TMEM143: variants seen among roughly 807,000 people sequenced by gnomAD.
TMEM143 encodes transmembrane protein 143.
TMEM143 carries 45 observed loss-of-function variants against 40.3 expected under a neutral mutation model. The ratio of observed to expected loss-of-function variants is 1.12; its 90% CI spans 0.88 to 1.43. The LOEUF (loss-of-function observed/expected upper bound fraction) is 1.43, where lower values mean the gene tolerates loss of function less well. Ranked by LOEUF, TMEM143 falls within the 40% of genes most tolerant of loss-of-function variation. The pLI, the probability that TMEM143 is intolerant of heterozygous loss-of-function variation, is 0.00. For synonymous variants in TMEM143, 299 were observed against 282.7 expected, an observed-to-expected ratio of 1.06 and a Z score of -0.58; for missense variants, 620 against 613.4, an observed-to-expected ratio of 1.01 and a Z score of -0.11.
At chr19:48,361,843 T>C (rs1970048019) in intron 2 of TMEM143, among the ~76,000 whole-genome samples, 1 of 152,204 alleles carries the variant, frequency 6.6e-6, no homozygotes, top group South Asian at 2.1e-4. Context: ...CACTTCTTTA[T>C]GTTTCCTATG....
At position 48,363,435 on chromosome 19, in the gene TMEM143, G is replaced by T; in HGVS notation, c.120C>A (p.Pro40=). ...CTGCCAGCGATGAGAGGGCCCGGGG[G>T]GGCCCGAGGAGCGCGGGCAACAGTG... is the stretch of plus-strand genomic sequence containing the variant. ...VWPLLPALLG[P]PRALSSLAAK... is the part of the protein sequence containing the mutation. The change falls in exon 2 of 8, where the codon CCC becomes CCA. Residue 40 remains proline, a synonymous_variant. Transcript: ENST00000293261. 6.2e-7 allele frequency: 1 copy of T among 1,614,058 alleles called. No homozygotes were observed. Among genetic ancestry groups the T allele is most frequent in the Non-Finnish European group, 8.5e-7 (1 of 1,180,014 alleles).
chr19:48,338,854 A>C lies in TMEM143; in HGVS notation c.975+3676T>G, dbSNP rs562954335. Among the ~76,000 whole-genome samples, 1,223 of 152,246 alleles carry C rather than the reference A, an allele frequency of 8.0e-3. 19 individuals are homozygous for C. Among genetic ancestry groups the C allele is most frequent in the African/African-American group, 0.028 (1,147 of 41,542 alleles). ...ACCACCCCAGCCTGGGACATCCGGGAAGGCTTCCCAGAGCAGGCAGCCTCT... is the reference window on the plus strand; with the variant it reads ...ACCACCCCAGCCTGGGACATCCGGGCAGGCTTCCCAGAGCAGGCAGCCTCT... On this transcript the variant is annotated intron_variant, in intron 6 of 7. Transcript: ENST00000293261.
intron 3 of TMEM143, among the ~76,000 whole-genome samples, chr19:48,357,463 C>A (rs1969933465): frequency 6.6e-6 from 1 of 150,506 alleles, no homozygotes; most frequent in African/African-American, 2.5e-5. Context: ...ACGTCATTCT[C>A]CTGCCTCAGC....
intron 6 of TMEM143, among the ~76,000 whole-genome samples, chr19:48,339,421 A>C (rs545189495): frequency 6.6e-6 from 1 of 152,268 alleles, no homozygotes; most frequent in East Asian, 1.9e-4. Context: ...TCTTGGAAGA[A>C]AGAGGGCCCC....
At chr19:48,353,981 C>T (rs1032774887) in intron 3 of TMEM143, among the ~76,000 whole-genome samples, 7 of 151,746 alleles carry the variant, frequency 4.6e-5, no homozygotes, top group African/African-American at 1.7e-4. Flanking sequence ...TTTTTTGAGA[C>T]ATAGTCTCAC....
At chr19:48,352,144 G>T (rs545388547) in intron 3 of TMEM143, among the ~76,000 whole-genome samples, 7 of 148,140 alleles carry the variant, frequency 4.7e-5, no homozygotes, top group African/African-American at 1.7e-4. Flanking sequence ...CTACTCGGGA[G>T]GCTGAGGCAG....
chr19:48,356,773 T>G (rs1394824304), intron 3 of TMEM143, among the ~76,000 whole-genome samples: 21 of 151,496 alleles, frequency 1.4e-4, no homozygotes, highest in Non-Finnish European at 3.1e-4. Flanking sequence ...AATTTTGTAT[T>G]TTTAGTAGAG....
intron 1 of TMEM143, 96 bp from the exon 2 acceptor site, chr19:48,363,627 C>A (rs1171498084): frequency 1.3e-6 from 2 of 1,492,724 alleles, no homozygotes; most frequent in Non-Finnish European, 1.8e-6. Flanking sequence ...GTCTCTACCC[C>A]AGGCAGGGCG....
chr19:48,345,538 A>G (rs1251991461), intron 3 of TMEM143, among the ~76,000 whole-genome samples, 184 bp from the exon 4 acceptor site: 3 of 151,794 alleles, frequency 2.0e-5, no homozygotes, highest in Admixed American at 2.0e-4. Flanking sequence ...CGCTCACTGC[A>G]ACCTCCACCT....
Position 48,363,286 on chromosome 19 carries a change from G to T in TMEM143, c.264+5C>A. The T allele has an allele frequency of 6.2e-7, 1 of 1,612,346 alleles. No individual in the cohort carries two copies. ...CCAGGCTCTTGGGCCTGGGACAGGC[G>T]GTACCTGTATTAGGAGGCGGAGCAG... On this transcript the variant is annotated splice_donor_5th_base_variant and intron_variant, in intron 2 of 7. Coordinates refer to ENST00000293261, the MANE Select transcript of TMEM143 (RefSeq NM_018273.4).
chr19:48,337,067 A>C (rs942292487), intron 6 of TMEM143, among the ~76,000 whole-genome samples: 1 of 151,758 alleles, frequency 6.6e-6, no homozygotes, highest in Admixed American at 6.6e-5. Flanking sequence ...CTGTACCTGT[A>C]CCCAGATTCC....
Position 48,363,372 on chromosome 19 carries a change from C to T in TMEM143, c.183G>A (p.Arg61=), listed in dbSNP as rs1210873520. Residue 61 remains arginine, a synonymous_variant, in exon 2 of 8, where the codon AGG becomes AGA. Coordinates refer to ENST00000293261, the MANE Select transcript of TMEM143 (RefSeq NM_018273.4). ...MGEYRKMWNP[R]EPRDWAQQYR... The stretch of plus-strand genomic sequence containing the variant: ...ACTGCTGGGCCCAGTCGCGGGGCTC[C>T]CTGGGGTTCCACATCTTGCGATACT... 3.7e-6 allele frequency: 6 copies of T among 1,614,056 alleles called. No individual in the cohort carries two copies. The African/African-American group carries it at 6.7e-5, about 18-fold the overall frequency.
chr19:48,362,574 A>G (rs191216384), intron 2 of TMEM143, among the ~76,000 whole-genome samples: 3 of 152,326 alleles, frequency 2.0e-5, no homozygotes, highest in African/African-American at 7.2e-5. Flanking sequence ...AAAATCCTCA[A>G]TAATGACAAT....
chr19:48,357,608 G>A (rs1038948953), intron 3 of TMEM143, among the ~76,000 whole-genome samples: 1 of 150,832 alleles, frequency 6.6e-6, no homozygotes, highest in Admixed American at 6.6e-5. Flanking sequence ...CGCCTGCCTT[G>A]TCCTCCCAAA....
chr19:48,340,488 C>A (rs1181654560), intron 6 of TMEM143, among the ~76,000 whole-genome samples: 2 of 151,920 alleles, frequency 1.3e-5, no homozygotes, highest in African/African-American at 4.8e-5. Flanking sequence ...GGACTCCCAA[C>A]TCCTGGGCTC....
intron 3 of TMEM143, among the ~76,000 whole-genome samples, chr19:48,358,113 C>T (rs775662802): frequency 6.6e-6 from 1 of 152,052 alleles, no homozygotes; most frequent in Non-Finnish European, 1.5e-5. Flanking sequence ...GGGCCAGGCA[C>T]GGTGGCTCAC....
chr19:48,350,333 C>T (rs1033110488), intron 3 of TMEM143, among the ~76,000 whole-genome samples: 3 of 151,924 alleles, frequency 2.0e-5, no homozygotes, highest in African/African-American at 7.3e-5. Context: ...TAATGAAGTT[C>T]GTGGCTACTA....
Position 48,363,343 on chromosome 19 carries a change from C to A in TMEM143, c.212G>T (p.Arg71Leu). The change falls in exon 2 of 8, where the codon CGC becomes CTC. Residue 71 changes from arginine to leucine, a missense_variant. By Grantham distance (102) the Arg-to-Leu change is moderately radical. Transcript: ENST00000293261. ...REPRDWAQQY[R>L]ERFIPFSKEQ... ...CTTGGAGAAGGGAATGAAGCGCTCG[C>A]GGTACTGCTGGGCCCAGTCGCGGGG... The A allele has an allele frequency of 6.2e-7, 1 of 1,614,218 alleles. No homozygotes were observed. Among genetic ancestry groups the A allele is most frequent in the Non-Finnish European group, 8.5e-7 (1 of 1,180,034 alleles).
At position 48,333,537 on chromosome 19, in the gene TMEM143, T is replaced by C; in HGVS notation, c.1166-104A>G. On this transcript the variant is annotated intron_variant, in intron 7 of 7. Coordinates refer to ENST00000293261, the MANE Select transcript of TMEM143 (RefSeq NM_018273.4). The surrounding 1 kb of genome is among the most constrained non-coding windows in gnomAD (Gnocchi z 4.1). ...GGCAAAGAACAGGAAGGGCCTGGGT[T>C]TGGGAGAAGCCTAGGAGTGATCTTG... The C allele has an allele frequency of 1.3e-6, 1 of 759,866 alleles. No individual in the cohort carries two copies. The highest frequency in any genetic ancestry group is 1.7e-5 in the African/African-American group (1 of 57,480). The allele number at this position is 759,866 out of a possible 1,614,324, so 47.1% of individuals were successfully genotyped here.
Sources: allele counts gnomAD v4.1 joint callset (sites outside exome capture counted in the v4.1 genomes callset), GRCh38; gene constraint gnomAD v4.1.1; non-coding constraint Gnocchi (gnomAD v3.1); transcripts MANE v1.5; gene names NCBI Gene and HGNC (gene_info 2026-07-23, HGNC 2026-07-21).